Variants in PSMB2 observed in about 807,000 individuals in gnomAD.
PSMB2 encodes proteasome subunit beta type-2.
PSMB2 carries 13 observed loss-of-function variants against 25.7 expected under a neutral mutation model. That is an observed-to-expected ratio of 0.51 (90% CI 0.33 to 0.80). The LOEUF is 0.80. Ranked by LOEUF, PSMB2 falls within the 30% of genes least tolerant of loss-of-function variation. The pLI is 0.02. For missense variants in PSMB2, 202 were observed against 259.0 expected (o/e 0.78, Z 1.51); for synonymous variants, 87 against 96.2 (o/e 0.90, Z 0.56).
chr1:35,619,816 A>C (rs1007881414), intron 3 of PSMB2, among the ~76,000 whole-genome samples: 5 of 152,214 alleles, frequency 3.3e-5, no homozygotes, highest in African/African-American at 1.2e-4. Context: ...TATTATACCA[A>C]ATAGTTAACA....
intron 3 of PSMB2, among the ~76,000 whole-genome samples, chr1:35,618,609 C>T (rs778790633): frequency 1.1e-4 from 17 of 151,826 alleles, no homozygotes; most frequent in Non-Finnish European, 2.2e-4. Context: ...GAGCGAGCCA[C>T]GTTAGGATGT....
chr1:35,600,779 G>A lies in PSMB2; in HGVS notation c.*2488C>T. The A allele has an allele frequency of 1.0e-6, 1 of 985,360 alleles. No homozygotes were observed. Among genetic ancestry groups the A allele is most frequent in the Non-Finnish European group, 1.2e-6 (1 of 829,916 alleles). The allele number at this position is 985,360 out of a possible 1,614,324, so 61.0% of individuals were successfully genotyped here. A position where few individuals can be genotyped will look rare whatever the true frequency, so the allele number is the denominator to read the frequency against. On this transcript the variant is annotated 3_prime_UTR_variant, in exon 6 of 6. Coordinates refer to ENST00000373237, the MANE Select transcript of PSMB2 (RefSeq NM_002794.5). ...GCAGGCTTGCCTGAGATTGCCCTGG[G>A]GACACTTACATTCAAAGGCAGAGAA...
chr1:35,624,469 T>C (rs558023252), intron 3 of PSMB2, among the ~76,000 whole-genome samples: 2 of 151,188 alleles, frequency 1.3e-5, no homozygotes, highest in East Asian at 2.1e-4. Context: ...TGCTGAACAC[T>C]TGGCTGGGTG....
Position 35,600,491 on chromosome 1 carries a change from T to G in PSMB2, c.*2776A>C. 2.0e-6 allele frequency: 2 copies of G among 976,860 alleles called. No homozygotes were observed. Among genetic ancestry groups the G allele is most frequent in the Non-Finnish European group, 2.4e-6 (2 of 822,186 alleles). 60.5% of individuals were successfully genotyped at this position (976,860 alleles called of 1,614,324 possible). On this transcript the variant is annotated 3_prime_UTR_variant, in exon 6 of 6. Transcript: ENST00000373237. Reference sequence around the variant, plus strand: ...TTGCAACTTTTCTGTAAAACCAAATTTATTCCAAAATAAAACATTTATTAA... The same window carrying G: ...TTGCAACTTTTCTGTAAAACCAAATGTATTCCAAAATAAAACATTTATTAA...
chr1:35,634,374 ATTTT>A (rs150659646), intron 2 of PSMB2, among the ~76,000 whole-genome samples: 17,375 of 151,898 alleles, frequency 0.11, 2,519 homozygotes, highest in East Asian at 0.68. Context: ...TGAGATTCAG[ATTTT>A]TTTGTTTCTT....
Position 35,601,485 on chromosome 1 carries a change from A to G in PSMB2, c.*1782T>C. ...GGTTGAATCAACTGTAGTGACGTGAATCATCTCTTTTCTCCCATTTACTCA... is the reference window on the plus strand; with the variant it reads ...GGTTGAATCAACTGTAGTGACGTGAGTCATCTCTTTTCTCCCATTTACTCA... On this transcript the variant is annotated 3_prime_UTR_variant, in exon 6 of 6. Transcript: ENST00000373237. 1.0e-6 allele frequency: 1 copy of G among 985,390 alleles called. No homozygotes were observed. The highest frequency in any genetic ancestry group is 4.7e-5 in the South Asian group (1 of 21,284). 61.0% of individuals were successfully genotyped at this position (985,390 alleles called of 1,614,324 possible).
intron 1 of PSMB2, among the ~76,000 whole-genome samples, chr1:35,640,087 A>ATACTAT (rs1651352653): frequency 6.6e-6 from 1 of 151,668 alleles, no homozygotes; most frequent in Non-Finnish European, 1.5e-5. Context: ...ATACTATACT[A>ATACTAT]TACTATACTA....
chr1:35,604,187 C>G (rs1650092796), intron 5 of PSMB2, among the ~76,000 whole-genome samples: 1 of 152,134 alleles, frequency 6.6e-6, no homozygotes, highest in Admixed American at 6.5e-5. Flanking sequence ...GCCACAGGAA[C>G]AGTAAAAGAA....
rs190119879 is a variant in PSMB2, at chr1:35,604,090, G to A, written c.499-716C>T. Reference sequence around the variant, plus strand: ...TGTGGACTGAAAACAAAAGGTTTGTGTAAGAAGCAAACTGACATTACTCCC... The same window carrying A: ...TGTGGACTGAAAACAAAAGGTTTGTATAAGAAGCAAACTGACATTACTCCC... On this transcript the variant is annotated intron_variant, in intron 5 of 5. Coordinates refer to ENST00000373237, the MANE Select transcript of PSMB2 (RefSeq NM_002794.5). 2.6e-4 allele frequency among the ~76,000 whole-genome samples: 39 copies of A among 151,288 alleles called. No individual in the cohort carries two copies. In the East Asian group the frequency reaches 6.8e-3, roughly 27 times the overall value.
chr1:35,620,223 G>C (rs1037729271), intron 3 of PSMB2, among the ~76,000 whole-genome samples: 1 of 152,166 alleles, frequency 6.6e-6, no homozygotes, highest in Non-Finnish European at 1.5e-5. Context: ...GATGGTATAT[G>C]TTTTCAGATA....
At chr1:35,612,036 A>G (rs1650358848) in intron 3 of PSMB2, among the ~76,000 whole-genome samples, 1 of 151,834 alleles carries the variant, frequency 6.6e-6, no homozygotes, top group Admixed American at 6.5e-5. Context: ...AGGGTTCCTA[A>G]CATCGCCTGG....
At chr1:35,604,513 C>T (rs1650102329) in intron 5 of PSMB2, among the ~76,000 whole-genome samples, 1 of 152,172 alleles carries the variant, frequency 6.6e-6, no homozygotes, top group Non-Finnish European at 1.5e-5. Context: ...GGCGTGGTGG[C>T]TCATGCCTGT....
At chr1:35,606,571 A>G (rs945216468) in intron 4 of PSMB2, among the ~76,000 whole-genome samples, 2 of 152,232 alleles carry the variant, frequency 1.3e-5, no homozygotes, top group Admixed American at 6.5e-5. Context: ...ATGGAAATAC[A>G]TCTCATGCTC....
At chr1:35,615,067 T>C (rs999983771) in intron 3 of PSMB2, among the ~76,000 whole-genome samples, 2 of 152,234 alleles carry the variant, frequency 1.3e-5, no homozygotes, top group Non-Finnish European at 1.5e-5. Flanking sequence ...TGATATATTG[T>C]AATAATGCAG....
At chr1:35,611,302 T>C (rs998279239) in intron 3 of PSMB2, among the ~76,000 whole-genome samples, 1 of 151,912 alleles carries the variant, frequency 6.6e-6, no homozygotes, top group Non-Finnish European at 1.5e-5. Context: ...CACGGCCACT[T>C]GGCAGCCTTA....
chr1:35,600,168 ATAAAAT>A lies in PSMB2; in HGVS notation c.*3093_*3098del, dbSNP rs1390952005. ...TGAAAAACAACAATAAAAAATTATA[ATAAAAT>A]TAAAAGATTTAGGATGTAGAAATGC... On this transcript the variant is annotated 3_prime_UTR_variant, in exon 6 of 6. Transcript: ENST00000373237. The A allele has an allele frequency of 1.0e-6, 1 of 982,306 alleles. No individual in the cohort carries two copies. Among genetic ancestry groups the A allele is most frequent in the East Asian group, 1.1e-4 (1 of 8,812 alleles). The allele number at this position is 982,306 out of a possible 1,614,324, so 60.8% of individuals were successfully genotyped here.
Position 35,615,119 on chromosome 1 carries a change from T to C in PSMB2, c.286-5711A>G, listed in dbSNP as rs757864274. Among the ~76,000 whole-genome samples, 3 of 152,214 alleles carry C rather than the reference T, an allele frequency of 2.0e-5. No individual in the cohort carries two copies. The South Asian group carries it at 6.2e-4, about 32-fold the overall frequency. On this transcript the variant is annotated intron_variant, in intron 3 of 5. Transcript: ENST00000373237. Reference sequence around the variant, plus strand: ...ACACTACCACCACCACTTTTAGGATTTGACTGCATTATCAACAGATTTGAC... The same window carrying C: ...ACACTACCACCACCACTTTTAGGATCTGACTGCATTATCAACAGATTTGAC...
intron 1 of PSMB2, among the ~76,000 whole-genome samples, chr1:35,640,033 C>T (rs1175994480): frequency 6.8e-6 from 1 of 146,310 alleles, no homozygotes; most frequent in Non-Finnish European, 1.5e-5. Context: ...TGCAGTGAGT[C>T]CAGACATTTT....
At position 35,636,416 on chromosome 1, in the gene PSMB2, A is replaced by G. The variant is rs367653683; in HGVS notation, c.108T>C (p.Phe36=). The change falls in exon 2 of 6, where the codon TTT becomes TTC. Residue 36 remains phenylalanine (F), a synonymous_variant. Coordinates refer to ENST00000373237, the MANE Select transcript of PSMB2 (RefSeq NM_002794.5). ...VQMKDDHDKM[F]KMSEKILLLC... The stretch of plus-strand genomic sequence containing the variant: ...GGAGTAATATCTTTTCACTCATCTT[A>G]AACATCTTGTCATGATCTGCTCAAA... 8 of 1,613,868 alleles carry G rather than the reference A, an allele frequency of 5.0e-6. No individual in the cohort carries two copies. The African/African-American group carries it at 9.3e-5, about 19-fold the overall frequency.
Sources: gnomAD v4.1 joint callset for allele counts (sites outside exome capture counted in the v4.1 genomes callset) on GRCh38, gnomAD v4.1.1 for gene constraint, MANE v1.5 for transcripts, NCBI Gene and HGNC (gene_info 2026-07-23, HGNC 2026-07-21) for gene names.